GRAMD4: variants seen among roughly 807,000 people sequenced by gnomAD.
The protein encoded by GRAMD4 is GRAM domain containing 4.
In GRAMD4, 25 loss-of-function variants were observed where a neutral mutation model predicts 83.9. That is an observed-to-expected ratio of 0.30 (90% CI 0.22 to 0.42). The LOEUF (loss-of-function observed/expected upper bound fraction) is 0.42, where lower values mean the gene tolerates loss of function less well. Ranked by LOEUF, GRAMD4 falls within the 10% of genes least tolerant of loss-of-function variation. The probability of loss-of-function intolerance (pLI) is 1.00; values close to 1 mark genes in which losing one functional copy is unlikely to be tolerated. For synonymous variants in GRAMD4, 336 were observed against 320.9 expected (o/e 1.05, Z -0.50); for missense variants, 593 against 788.7 (o/e 0.75, Z 2.97).
chr22:46,588,075 C>T (rs2081168940), intron 1 of GRAMD4: 1 of 468,082 alleles, frequency 2.1e-6, no homozygotes, highest in African/African-American at 2.1e-5. Context: ...AGCCCCAGCC[C>T]TGGTGGAGCC....
chr22:46,597,187 C>T (rs1315651444), intron 1 of GRAMD4, among the ~76,000 whole-genome samples: 1 of 152,138 alleles, frequency 6.6e-6, no homozygotes, highest in Non-Finnish European at 1.5e-5. Flanking sequence ...GGTGTAGGCC[C>T]TGGAGGTGGC....
chr22:46,675,447 C>G, intron 16 of GRAMD4, 21 bp from the exon 17 acceptor site: 1 of 1,582,896 alleles, frequency 6.3e-7, no homozygotes, highest in Non-Finnish European at 8.7e-7. Flanking sequence ...CAGGCGACGC[C>G]TCTGTCCGTT....
chr22:46,596,257 C>G (rs986974229), intron 1 of GRAMD4, among the ~76,000 whole-genome samples: 1 of 152,234 alleles, frequency 6.6e-6, no homozygotes, highest in Non-Finnish European at 1.5e-5. Context: ...GGGCTGGAGT[C>G]TTAACTGGTG....
In GRAMD4 at chr22:46,678,418, G is replaced by GGGAAGCCT; in HGVS notation, c.*1170_*1177dup. 1.0e-6 allele frequency: 1 copy of GGGAAGCCT among 984,706 alleles called. No individual in the cohort carries two copies. Among genetic ancestry groups the GGGAAGCCT allele is most frequent in the Non-Finnish European group, 1.2e-6 (1 of 829,648 alleles). 61.0% of individuals were successfully genotyped at this position (984,706 alleles called of 1,614,324 possible). ...CCCCCCCAGCCCCCGCCCTGCCCCA[G>GGGAAGCCT]GGAAGCCTGGGCTTCCCGGGAACAA... On this transcript the variant is annotated 3_prime_UTR_variant, in exon 19 of 19. Coordinates refer to ENST00000406902, the MANE Select transcript of GRAMD4 (RefSeq NM_015124.5).
intron 1 of GRAMD4, among the ~76,000 whole-genome samples, chr22:46,597,053 G>A (rs1207594746): frequency 6.6e-6 from 1 of 152,144 alleles, no homozygotes; most frequent in African/African-American, 2.4e-5. Flanking sequence ...CTCCACGCCT[G>A]CTTTCGATAA....
chr22:46,620,933 G>A lies in GRAMD4; in HGVS notation c.-50+368G>A, dbSNP rs2081564855. The stretch of plus-strand genomic sequence containing the variant: ...AGGGAGGCCCATCCGAGAGGGAGGA[G>A]GCCGATCTGAGAGGGCCGCATGGCT... On this transcript the variant is annotated intron_variant, in intron 1 of 18. Coordinates refer to ENST00000406902, the MANE Select transcript of GRAMD4 (RefSeq NM_015124.5). The surrounding 1 kb of genome is among the most constrained non-coding windows in gnomAD (Gnocchi z 4.7). 6.6e-6 allele frequency among the ~76,000 whole-genome samples: 1 copy of A among 152,172 alleles called. No homozygotes were observed. The highest frequency in any genetic ancestry group is 2.4e-5 in the African/African-American group (1 of 41,458).
intron 1 of GRAMD4, among the ~76,000 whole-genome samples, chr22:46,602,070 A>G (rs1281884073): frequency 6.6e-6 from 1 of 152,118 alleles, no homozygotes; most frequent in Non-Finnish European, 1.5e-5. Context: ...TGGGCTCTCC[A>G]TGGTGGTGCA....
rs954212514 is a variant in GRAMD4, at chr22:46,601,955, T to G, written c.-50+24665T>G. Among the ~76,000 whole-genome samples, 5 of 152,330 alleles carry G rather than the reference T, an allele frequency of 3.3e-5. 1 individual carries two copies. The highest frequency in any genetic ancestry group is 1.3e-4 in the Admixed American group (2 of 15,308). ...GGTCCTGCTTCCATGCCAGCCCTTC[T>G]TGGGCAGCTCTTGGGCATGCTTCTT... On this transcript the variant is annotated intron_variant, in intron 1 of 1. Coordinates refer to the GRAMD4 transcript ENST00000431155.
In GRAMD4 at chr22:46,659,958, G is replaced by C. The variant is rs1232051766; in HGVS notation, c.405-1423G>C. Among the ~76,000 whole-genome samples the C allele has an allele frequency of 6.6e-6, 1 of 152,196 alleles. No individual in the cohort carries two copies. Among genetic ancestry groups the C allele is most frequent in the African/African-American group, 2.4e-5 (1 of 41,448 alleles). ...CTGGGAGATCCCAGGGACAGGTGCG[G>C]TCCCCAGGCATTTGGCCACAGTGCC... is the stretch of plus-strand genomic sequence containing the variant. On this transcript the variant is annotated intron_variant, in intron 4 of 18. Transcript: ENST00000406902. This position sits in a 1 kb window ranked among gnomAD's most constrained non-coding sequence, Gnocchi z 4.1.
At chr22:46,612,600 A>G (rs977584206) in intron 1 of GRAMD4, among the ~76,000 whole-genome samples, 1 of 152,230 alleles carries the variant, frequency 6.6e-6, no homozygotes, top group Non-Finnish European at 1.5e-5. Flanking sequence ...GGTTCCCTGG[A>G]GATGGGCTCC....
intron 1 of GRAMD4, among the ~76,000 whole-genome samples, chr22:46,605,416 G>A (rs1423828242): frequency 1.3e-5 from 2 of 152,260 alleles, no homozygotes; most frequent in African/African-American, 4.8e-5. Context: ...GTGAACATGG[G>A]TATGCAAATA....
At chr22:46,607,205 A>AGGGGGGG (rs569194023) in intron 1 of GRAMD4, among the ~76,000 whole-genome samples, 1 of 108,858 alleles carries the variant, frequency 9.2e-6, no homozygotes, top group African/African-American at 2.9e-5. Context: ...GTCTTTAAAA[A>AGGGGGGG]GGGGGGGGTC....
intron 16 of GRAMD4, 138 bp from the exon 17 acceptor site, chr22:46,675,330 C>T (rs1601690958): frequency 1.6e-5 from 11 of 705,080 alleles, no homozygotes; most frequent in East Asian, 2.5e-5. Context: ...AGTGTTTCAC[C>T]GGTTCTGTGT....
At chr22:46,608,917 C>T (rs5769021) in intron 1 of GRAMD4, among the ~76,000 whole-genome samples, 1 of 151,240 alleles carries the variant, frequency 6.6e-6, no homozygotes, top group African/African-American at 2.4e-5. Context: ...GGCTGAGTTG[C>T]GAGGATCACT....
At chr22:46,591,716 C>T (rs9616072) in intron 1 of GRAMD4, among the ~76,000 whole-genome samples, 58,965 of 151,416 alleles carry the variant, frequency 0.39, 13,855 homozygotes, top group African/African-American at 0.65. Context: ...GCCTGTAATC[C>T]CAGCTACTCT....
chr22:46,661,405 G>GC lies in GRAMD4; in HGVS notation c.434dup (p.Gly147ArgfsTer57). ...GAACCGAGGAGCAGATGGCTCAGCA[G>GC]CCCCCAAAAGGGCAGGCCCAGGCCA... On this transcript the variant is annotated frameshift_variant, in exon 5 of 19. Coordinates refer to ENST00000406902, the MANE Select transcript of GRAMD4 (RefSeq NM_015124.5). LOFTEE classifies it high-confidence loss of function. The GC allele has an allele frequency of 6.2e-7, 1 of 1,612,250 alleles. No homozygotes were observed.
At chr22:46,597,553 G>A (rs4823863) in intron 1 of GRAMD4, among the ~76,000 whole-genome samples, 36,031 of 151,686 alleles carry the variant, frequency 0.24, 5,695 homozygotes, top group East Asian at 0.63. Flanking sequence ...GCAGTGGCGC[G>A]ATCCCGGCTC....
upstream of GRAMD4, among the ~76,000 whole-genome samples, chr22:46,615,986 T>G (rs1483929620): frequency 1.4e-4 from 13 of 93,342 alleles, no homozygotes; most frequent in African/African-American, 1.8e-4. Flanking sequence ...TCCCCTGTGC[T>G]TGTGGGTTCC....
intron 3 of GRAMD4, among the ~76,000 whole-genome samples, chr22:46,656,094 C>T (rs2082240626): frequency 6.6e-6 from 1 of 151,990 alleles, no homozygotes; most frequent in Admixed American, 6.5e-5. Flanking sequence ...CAGGCCAGCT[C>T]AGCTGCCCTG....
Sources: gnomAD v4.1 joint callset for allele counts (sites outside exome capture counted in the v4.1 genomes callset) on GRCh38, gnomAD v4.1.1 for gene constraint, Gnocchi (gnomAD v3.1) non-coding constraint, MANE v1.5 for transcripts, NCBI Gene and HGNC (gene_info 2026-07-23, HGNC 2026-07-21) for gene names.